Variants in TMSB15B observed in about 807,000 individuals in gnomAD.
The protein encoded by TMSB15B is thymosin beta-15B.
intron 1 of TMSB15B, among the ~76,000 whole-genome samples, chrX:103,925,929 A>T (rs1382564599): frequency 1.8e-5 from 2 of 111,768 alleles, no homozygotes; most frequent in Non-Finnish European, 3.8e-5. Context: ...GGGAAAGAAG[A>T]CCTTTGGTAG....
rs1260293418 is a variant in TMSB15B at position 103,946,651 on chromosome X, A to T, written c.-720-15370A>T. Among the ~76,000 whole-genome samples, 22 of 112,011 alleles carry T rather than the reference A, an allele frequency of 2.0e-4. No homozygotes were observed. The Admixed American group carries it at 2.1e-3, about 11-fold the overall frequency. ...TGTTATATGAAAGAAGTGACATTAC[A>T]TAGGAGTGAAAAATGGATGAATAAT... On this transcript the variant is annotated intron_variant, in intron 1 of 3. Coordinates refer to the TMSB15B transcript ENST00000419165.
At chrX:103,940,736 A>G (rs1363513696) in intron 1 of TMSB15B, among the ~76,000 whole-genome samples, 27 of 111,293 alleles carry the variant, frequency 2.4e-4, no homozygotes, top group African/African-American at 7.8e-4. Context: ...AACAACAGCA[A>G]CAACAACAAC....
At chrX:103,941,887 T>C (rs2075013552) in intron 1 of TMSB15B, among the ~76,000 whole-genome samples, 1 of 112,365 alleles carries the variant, frequency 8.9e-6, no homozygotes, top group African/African-American at 3.2e-5. Context: ...TTGAGCATCT[T>C]TTCACATGCC....
At chrX:103,920,951 A>G (rs1348819821) in intron 1 of TMSB15B, among the ~76,000 whole-genome samples, 12 of 112,289 alleles carry the variant, frequency 1.1e-4, no homozygotes, top group Non-Finnish European at 2.1e-4. Flanking sequence ...AGCAGGTATT[A>G]CTTCCTTTAT....
intron 1 of TMSB15B, among the ~76,000 whole-genome samples, chrX:103,950,064 T>C (rs1187921058): frequency 3.6e-5 from 4 of 111,276 alleles, no homozygotes; most frequent in African/African-American, 1.3e-4. Context: ...GATCATTGTA[T>C]TGAACAATGT....
chrX:103,923,098 T>C (rs1556318128), intron 1 of TMSB15B, among the ~76,000 whole-genome samples: 1 of 112,329 alleles, frequency 8.9e-6, no homozygotes. Context: ...AGATTCTGGA[T>C]ATTAGCCCTT....
intron 1 of TMSB15B, among the ~76,000 whole-genome samples, chrX:103,945,147 G>C (rs1381444358): frequency 3.5e-5 from 4 of 112,823 alleles, no homozygotes; most frequent in Admixed American, 9.3e-5. Flanking sequence ...AATTCCTTGA[G>C]AGCAGGCACT....
At chrX:103,928,243 T>G in intron 1 of TMSB15B, 1 of 1,205,326 alleles carries the variant, frequency 8.3e-7, no homozygotes, top group Admixed American at 2.2e-5. Flanking sequence ...TTCCTATCTA[T>G]AAGGTTGTGT....
At chrX:103,937,367 G>A (rs1487422637) in intron 1 of TMSB15B, among the ~76,000 whole-genome samples, 1 of 112,087 alleles carries the variant, frequency 8.9e-6, no homozygotes, top group Non-Finnish European at 1.9e-5. Context: ...TCTATTCAGG[G>A]ATTCGAGTTC....
chrX:103,937,215 T>C (rs1556322168), intron 1 of TMSB15B, among the ~76,000 whole-genome samples: 3 of 112,196 alleles, frequency 2.7e-5, no homozygotes, highest in Non-Finnish European at 3.8e-5. Flanking sequence ...CATCTGTTTC[T>C]ATTGTTTGGA....
chrX:103,951,715 T>C (rs1214083355), intron 1 of TMSB15B, among the ~76,000 whole-genome samples: 1 of 110,890 alleles, frequency 9.0e-6, no homozygotes, highest in East Asian at 2.8e-4. Flanking sequence ...GGAGGGTATA[T>C]GTAGACGAGT....
At chrX:103,932,709 G>A (rs1167005708) in intron 1 of TMSB15B, 1 of 111,444 alleles carries the variant, frequency 9.0e-6, no homozygotes, top group Non-Finnish European at 1.9e-5. Context: ...TAAATCTTCT[G>A]AGCAAAATTT....
intron 1 of TMSB15B, among the ~76,000 whole-genome samples, chrX:103,924,215 G>A (rs2074961821): frequency 9.0e-6 from 1 of 111,205 alleles, no homozygotes; most frequent in Admixed American, 9.5e-5. Flanking sequence ...GACAAATGTG[G>A]TCCTCATTCT....
At chrX:103,933,468 C>T (rs1556320293) in intron 1 of TMSB15B, among the ~76,000 whole-genome samples, 1 of 111,302 alleles carries the variant, frequency 9.0e-6, no homozygotes, top group Admixed American at 9.6e-5. Flanking sequence ...GAAATAGAGC[C>T]CTTTAATAAC....
chrX:103,921,674 C>T (rs1216698938), intron 1 of TMSB15B, among the ~76,000 whole-genome samples: 9 of 112,284 alleles, frequency 8.0e-5, no homozygotes, highest in African/African-American at 2.9e-4. Context: ...AATTTTAACA[C>T]ATAAACCTTA....
At chrX:103,931,515 T>C (rs1378593656) in intron 1 of TMSB15B, 3 of 112,043 alleles carry the variant, frequency 2.7e-5, no homozygotes, top group Admixed American at 9.5e-5. Context: ...ATTGCATACA[T>C]CAATTTTCAG....
At chrX:103,927,049 G>A (rs2074970299) in intron 1 of TMSB15B, among the ~76,000 whole-genome samples, 1 of 110,880 alleles carries the variant, frequency 9.0e-6, no homozygotes, top group Non-Finnish European at 1.9e-5. Context: ...CGATCCCAAA[G>A]TTCCTTCATA....
intron 1 of TMSB15B, among the ~76,000 whole-genome samples, chrX:103,934,268 A>C (rs1360863391): frequency 9.1e-6 from 1 of 110,337 alleles, no homozygotes; most frequent in African/African-American, 3.3e-5. Context: ...GGATTATTTC[A>C]CTTCACATTT....
At chrX:103,932,105 TGG>T (rs2074986342) in intron 1 of TMSB15B, 1 of 111,838 alleles carries the variant, frequency 8.9e-6, no homozygotes, top group Admixed American at 9.5e-5. Flanking sequence ...TATAATAAAC[TGG>T]TCAACGTTAG....
Sources: allele counts gnomAD v4.1 joint callset (sites outside exome capture counted in the v4.1 genomes callset), GRCh38; gene constraint gnomAD v4.1.1; transcripts MANE v1.5; gene names NCBI Gene and HGNC (gene_info 2026-07-23, HGNC 2026-07-21).